Variants in ME2 observed in about 807,000 individuals in gnomAD.
ME2 encodes the protein NAD-dependent malic enzyme, mitochondrial.
ME2 carries 60 observed loss-of-function variants against 73.7 expected under a neutral mutation model. That is an observed-to-expected ratio of 0.81 (90% confidence interval 0.66 to 1.01). The LOEUF (loss-of-function observed/expected upper bound fraction) is 1.01. Ranked by LOEUF, ME2 falls within the 50% of genes least tolerant of loss-of-function variation. ME2 has a pLI of 0.00. For missense variants in ME2, 594 were observed against 705.5 expected (o/e 0.84, Z 1.79); for synonymous variants, 199 against 236.9 (o/e 0.84, Z 1.47).
At chr18:50,910,460 A>AG (rs1917128297) in intron 3 of ME2, among the ~76,000 whole-genome samples, 1 of 150,290 alleles carries the variant, frequency 6.7e-6, no homozygotes, top group Admixed American at 6.8e-5. Context: ...AAAAAAAAGA[A>AG]AAAGGCTAAA....
chr18:50,918,407 C>CT (rs34526861), intron 7 of ME2, among the ~76,000 whole-genome samples, 194 bp downstream of exon 7: 19,861 of 152,126 alleles, frequency 0.13, 1,770 homozygotes, highest in African/African-American at 0.26. Flanking sequence ...TACCCATGGT[C>CT]TGCCTTGCTT....
At position 50,952,445 on chromosome 18, in the gene ME2, A is replaced by G. The variant is rs573312328; in HGVS notation, c.*5261A>G. ...GGAAAATTGTGCATCTCAAAGAGAA[A>G]AGTAAATATGGAAATATGTTCATAG... On this transcript the variant is annotated 3_prime_UTR_variant, in exon 16 of 16. Coordinates refer to ENST00000321341, the MANE Select transcript of ME2 (RefSeq NM_002396.5). 1.5e-4 allele frequency: 23 copies of G among 152,354 alleles called. No homozygotes were observed. In the South Asian group the frequency reaches 4.3e-3, roughly 29 times the overall value. The allele number at this position is 152,354 out of a possible 1,614,324, so 9.4% of individuals were successfully genotyped here. A position where few individuals can be genotyped will look rare whatever the true frequency, so the allele number is the denominator to read the frequency against.
chr18:50,914,141 A>G (rs1327645343), intron 4 of ME2, among the ~76,000 whole-genome samples: 1 of 152,152 alleles, frequency 6.6e-6, no homozygotes, highest in Non-Finnish European at 1.5e-5. Flanking sequence ...ATGAAAAAGA[A>G]AAAAGGTCTG....
At chr18:50,907,877 T>C (rs999535347) in intron 2 of ME2, among the ~76,000 whole-genome samples, 186 bp from the exon 3 acceptor site, 1 of 152,236 alleles carries the variant, frequency 6.6e-6, no homozygotes, top group Non-Finnish European at 1.5e-5. Context: ...CAGCAGTGGT[T>C]TGTGAGAATA....
intron 15 of ME2, among the ~76,000 whole-genome samples, chr18:50,946,037 A>G (rs1460426500): frequency 6.6e-6 from 1 of 152,212 alleles, no homozygotes; most frequent in African/African-American, 2.4e-5. Context: ...ACTGCACTCC[A>G]GCCTGGGTGA....
chr18:50,930,081 G>A (rs962456334), intron 12 of ME2, among the ~76,000 whole-genome samples: 60 of 152,074 alleles, frequency 3.9e-4, no homozygotes, highest in South Asian at 2.1e-4. Context: ...GCAACGTAGC[G>A]AAACCCTGTC....
chr18:50,904,342 A>C (rs1916962825), intron 2 of ME2, among the ~76,000 whole-genome samples: 1 of 149,988 alleles, frequency 6.7e-6, no homozygotes, highest in Non-Finnish European at 1.5e-5. Flanking sequence ...GCAGTGGTGC[A>C]ATCTCGGCTC....
intron 1 of ME2, among the ~76,000 whole-genome samples, chr18:50,893,141 A>C (rs938049776): frequency 6.6e-6 from 1 of 151,134 alleles, no homozygotes; most frequent in African/African-American, 2.4e-5. Flanking sequence ...AAAAAAAAAA[A>C]AAAAAAAAAA....
chr18:50,928,329 T>A (rs1917613269), intron 12 of ME2, among the ~76,000 whole-genome samples: 1 of 150,860 alleles, frequency 6.6e-6, no homozygotes, highest in African/African-American at 2.4e-5. Context: ...CACTGCAAAC[T>A]CTGCCTCCCA....
At position 50,924,145 on chromosome 18, in the gene ME2, A is replaced by G. The variant is rs1917490291; in HGVS notation, c.1104A>G (p.Ser368=). The part of the protein sequence containing the change: ...IDSYQEPFTH[S]APESIPDTFE... Reference sequence around the variant, plus strand: ...GTTATCAGGAACCATTTACTCACTCAGCCCCAGAGAGCATACCTGATACTT... The same window carrying G: ...GTTATCAGGAACCATTTACTCACTCGGCCCCAGAGAGCATACCTGATACTT... The change falls in exon 11 of 16, where the codon TCA becomes TCG. Residue 368 remains serine, a synonymous_variant. Transcript: ENST00000321341. 6.2e-7 allele frequency: 1 copy of G among 1,613,534 alleles called. No homozygotes were observed. Among genetic ancestry groups the G allele is most frequent in the Non-Finnish European group, 8.5e-7 (1 of 1,179,714 alleles).
At position 50,951,217 on chromosome 18, in the gene ME2, A is replaced by C. The variant is rs1918216984; in HGVS notation, c.*4033A>C. On this transcript the variant is annotated 3_prime_UTR_variant, in exon 16 of 16. Transcript: ENST00000321341. ...TTATATCCTTTGTCCTTTTTCTGTA[A>C]CTTGTCAGCCTCTGGAGAAATAGGA... 6.6e-6 allele frequency: 1 copy of C among 152,188 alleles called. No homozygotes were observed. Among genetic ancestry groups the C allele is most frequent in the African/African-American group, 2.4e-5 (1 of 41,434 alleles). The allele number at this position is 152,188 out of a possible 1,614,324, so 9.4% of individuals were successfully genotyped here. A position where few individuals can be genotyped will look rare whatever the true frequency, so the allele number is the denominator to read the frequency against.
In ME2 at chr18:50,949,684, T is replaced by C. The variant is rs983158685; in HGVS notation, c.*2500T>C. 2.6e-5 allele frequency: 4 copies of C among 152,248 alleles called. No homozygotes were observed. The highest frequency in any genetic ancestry group is 2.1e-4 in the South Asian group (1 of 4,838). 9.4% of individuals were successfully genotyped at this position (152,248 alleles called of 1,614,324 possible). On this transcript the variant is annotated 3_prime_UTR_variant, in exon 16 of 16. Coordinates refer to ENST00000321341, the MANE Select transcript of ME2 (RefSeq NM_002396.5). ...AAGTAATTTTACTACGAAGTTTGCT[T>C]ATTAAGTATGCCTGGTACAGTCTTC...
chr18:50,913,012 A>G, intron 4 of ME2, 62 bp downstream of exon 4: 3 of 1,373,180 alleles, frequency 2.2e-6, no homozygotes, highest in South Asian at 2.8e-5. Flanking sequence ...ATCATTCCAT[A>G]ACACCCATTA....
intron 13 of ME2, 114 bp from the exon 14 acceptor site, chr18:50,939,456 G>C (rs540638715): frequency 2.3e-5 from 14 of 621,312 alleles, no homozygotes; most frequent in East Asian, 1.4e-4. Context: ...TTTCTGTTTG[G>C]GGGGAGCTGT....
intron 12 of ME2, among the ~76,000 whole-genome samples, chr18:50,931,569 A>G (rs1255795368): frequency 2.0e-5 from 3 of 152,162 alleles, no homozygotes; most frequent in Non-Finnish European, 4.4e-5. Flanking sequence ...AGTAAATGAC[A>G]GCCATTTGTT....
intron 12 of ME2, among the ~76,000 whole-genome samples, chr18:50,931,519 C>T (rs1917688867): frequency 6.6e-6 from 1 of 152,132 alleles, no homozygotes; most frequent in South Asian, 2.1e-4. Context: ...CTGAGTTAAA[C>T]ACATATAAAG....
intron 1 of ME2, among the ~76,000 whole-genome samples, chr18:50,892,190 G>T (rs1450203775): frequency 6.6e-6 from 1 of 152,018 alleles, no homozygotes; most frequent in African/African-American, 2.4e-5. Flanking sequence ...TGTTTGAAAG[G>T]TTTTGCTAAC....
At chr18:50,945,126 T>C (rs1016194790) in intron 15 of ME2, 1 of 152,252 alleles carries the variant, frequency 6.6e-6, no homozygotes, top group African/African-American at 2.4e-5. Context: ...TGTTTGTTTG[T>C]TTGTTTTTGA....
chr18:50,927,246 T>A (rs1280266603), intron 12 of ME2, among the ~76,000 whole-genome samples: 3 of 152,172 alleles, frequency 2.0e-5, no homozygotes, highest in Non-Finnish European at 2.9e-5. Context: ...TTTAAAGGCT[T>A]GTTTACAATG....
Sources: gnomAD v4.1 joint callset for allele counts (sites outside exome capture counted in the v4.1 genomes callset) on GRCh38, gnomAD v4.1.1 for gene constraint, MANE v1.5 for transcripts, NCBI Gene and HGNC (gene_info 2026-07-23, HGNC 2026-07-21) for gene names.